Variants in WDTC1 observed in about 807,000 individuals in gnomAD.
WDTC1 encodes WD and tetratricopeptide repeats 1, also known as WD and tetratricopeptide repeats protein 1.
WDTC1 carries 12 observed loss-of-function variants against 76.0 expected under a neutral mutation model. The observed-to-expected ratio is 0.16, with a 90% confidence interval of 0.10 to 0.26. The LOEUF is 0.26. WDTC1 is among the 10% of genes least tolerant of loss of function. The probability of loss-of-function intolerance (pLI) is 1.00; values close to 1 mark genes in which losing one functional copy is unlikely to be tolerated. For missense variants in WDTC1, 511 were observed against 908.8 expected (o/e 0.56, Z 5.63); for synonymous variants, 326 against 350.8 (o/e 0.93, Z 0.79).
intron 1 of WDTC1, among the ~76,000 whole-genome samples, chr1:27,238,768 T>G (rs917606208): frequency 2.0e-5 from 3 of 152,222 alleles, no homozygotes; most frequent in African/African-American, 7.2e-5. Flanking sequence ...TTTCACCATG[T>G]TGACCAGACT....
At position 27,303,607 on chromosome 1, in the gene WDTC1, A is replaced by C. The variant is rs1439580491; in HGVS notation, c.1469-14A>C. On this transcript the variant is annotated splice_polypyrimidine_tract_variant and intron_variant, in intron 13 of 15. Transcript: ENST00000319394. This position sits in a 1 kb window ranked among gnomAD's most constrained non-coding sequence, Gnocchi z 4.8. ...GGAACAAGGCGCTTACCTTTTCTGG[A>C]TCTCTGCCCCCAGAGGAGAAGAAGG... 6.4e-7 allele frequency: 1 copy of C among 1,572,394 alleles called. No individual in the cohort carries two copies. Among genetic ancestry groups the C allele is most frequent in the Non-Finnish European group, 8.6e-7 (1 of 1,165,320 alleles).
chr1:27,259,604 G>A (rs1473944922), intron 1 of WDTC1, among the ~76,000 whole-genome samples: 2 of 152,060 alleles, frequency 1.3e-5, no homozygotes, highest in African/African-American at 4.8e-5. Flanking sequence ...GGGACTACAG[G>A]TGCACAGCAC....
chr1:27,269,164 CAA>C (rs34447091), intron 3 of WDTC1, among the ~76,000 whole-genome samples: 1 of 58,856 alleles, frequency 1.7e-5, no homozygotes, highest in Non-Finnish European at 2.7e-5. Context: ...CCTGTTTCTC[CAA>C]AAAAAAAAAA....
Position 27,250,942 on chromosome 1 carries a change from A to G in WDTC1, c.-99-10014A>G, listed in dbSNP as rs551437017. Among the ~76,000 whole-genome samples the G allele has an allele frequency of 1.6e-4, 24 of 148,050 alleles. No homozygotes were observed. The South Asian group carries it at 1.9e-3, about 12-fold the overall frequency. On this transcript the variant is annotated intron_variant, in intron 1 of 15. Transcript: ENST00000319394. ...AGTGCAGTGGTGTGATCTTGGCTCA[A>G]TGCAACCTCTGCCTCCCAGGTTCAA...
intron 3 of WDTC1, among the ~76,000 whole-genome samples, chr1:27,264,842 GCC>G (rs2012609130): frequency 6.6e-6 from 1 of 151,148 alleles, no homozygotes; most frequent in African/African-American, 2.4e-5. Context: ...TTGCATTGTT[GCC>G]CAGGCTGGAA....
At chr1:27,295,540 G>T (rs960047255) in intron 9 of WDTC1, among the ~76,000 whole-genome samples, 1 of 151,182 alleles carries the variant, frequency 6.6e-6, no homozygotes, top group Admixed American at 6.6e-5. Context: ...TGCAACCTCC[G>T]CTCTGCCTCC....
intron 9 of WDTC1, among the ~76,000 whole-genome samples, chr1:27,295,674 C>G (rs1378232670): frequency 6.6e-6 from 1 of 151,928 alleles, no homozygotes; most frequent in Non-Finnish European, 1.5e-5. Flanking sequence ...AGGCTAGTCT[C>G]GAACTCCTGA....
intron 1 of WDTC1, among the ~76,000 whole-genome samples, chr1:27,247,794 C>A (rs2011897718): frequency 6.6e-6 from 1 of 150,740 alleles, no homozygotes; most frequent in Non-Finnish European, 1.5e-5. Flanking sequence ...TCTCAGCTCA[C>A]TACAACCTCT....
At chr1:27,260,181 T>C (rs2012431832) in intron 1 of WDTC1, among the ~76,000 whole-genome samples, 1 of 152,168 alleles carries the variant, frequency 6.6e-6, no homozygotes, top group South Asian at 2.1e-4. Context: ...CTCGGCTCAC[T>C]GCAAGCTCCG....
At chr1:27,246,168 A>G (rs570117847) in intron 1 of WDTC1, among the ~76,000 whole-genome samples, 3 of 152,344 alleles carry the variant, frequency 2.0e-5, no homozygotes, top group African/African-American at 7.2e-5. Flanking sequence ...AAGTTGTGCA[A>G]CTTGTCACCA....
intron 1 of WDTC1, among the ~76,000 whole-genome samples, chr1:27,244,745 A>G (rs761066110): frequency 6.6e-6 from 1 of 152,136 alleles, no homozygotes; most frequent in Non-Finnish European, 1.5e-5. Context: ...CAATAGAACC[A>G]CTATAAATAG....
chr1:27,258,728 A>G (rs1340903302), intron 1 of WDTC1, among the ~76,000 whole-genome samples: 1 of 152,188 alleles, frequency 6.6e-6, no homozygotes, highest in Non-Finnish European at 1.5e-5. Flanking sequence ...CTGCAATAAC[A>G]TAATGTTTAG....
chr1:27,295,542 T>C (rs2013661395), intron 9 of WDTC1, among the ~76,000 whole-genome samples: 1 of 151,628 alleles, frequency 6.6e-6, no homozygotes, highest in African/African-American at 2.4e-5. Flanking sequence ...CAACCTCCGC[T>C]CTGCCTCCTG....
At chr1:27,293,414 A>G (rs1190312647) in intron 7 of WDTC1, among the ~76,000 whole-genome samples, 1 of 146,170 alleles carries the variant, frequency 6.8e-6, no homozygotes, top group Non-Finnish European at 1.5e-5. Flanking sequence ...CCTGGGTGGC[A>G]GAGTGAGACT....
At chr1:27,242,946 AAAGATGGCTAAG>A (rs1401987766) in intron 1 of WDTC1, among the ~76,000 whole-genome samples, 44 of 152,202 alleles carry the variant, frequency 2.9e-4, no homozygotes, top group Non-Finnish European at 5.9e-5. Flanking sequence ...CAGGAGCCTC[AAAGATGGCTAAG>A]AAGTTTCCTG....
intron 7 of WDTC1, among the ~76,000 whole-genome samples, chr1:27,293,171 G>T (rs1205627338): frequency 6.6e-6 from 1 of 151,494 alleles, no homozygotes; most frequent in Admixed American, 6.6e-5. Context: ...GGTGGCTCAC[G>T]CCTGTAATCC....
intron 2 of WDTC1, among the ~76,000 whole-genome samples, chr1:27,262,942 G>T (rs1435191064): frequency 6.6e-6 from 1 of 150,750 alleles, no homozygotes; most frequent in Non-Finnish European, 1.5e-5. Context: ...AAAAAAAAAT[G>T]AACGGCACAA....
intron 7 of WDTC1, 80 bp from the exon 8 acceptor site, chr1:27,293,942 G>C: frequency 7.3e-7 from 1 of 1,367,198 alleles, no homozygotes; most frequent in Non-Finnish European, 1.0e-6. Flanking sequence ...ACAAATGTAA[G>C]TTTTCGTCTA....
At chr1:27,297,014 T>C (rs991322673) in intron 10 of WDTC1, 34 bp from the exon 11 acceptor site, 11 of 1,601,000 alleles carry the variant, frequency 6.9e-6, no homozygotes, top group Non-Finnish European at 9.4e-6. Context: ...TCTTCCTGAG[T>C]TGTTGCTGTC....
Sources: allele counts gnomAD v4.1 joint callset (sites outside exome capture counted in the v4.1 genomes callset), GRCh38; gene constraint gnomAD v4.1.1; non-coding constraint Gnocchi (gnomAD v3.1); transcripts MANE v1.5; gene names NCBI Gene and HGNC (gene_info 2026-07-23, HGNC 2026-07-21).